Variants in HERC1 observed in about 807,000 individuals in gnomAD.
HERC1 encodes the protein probable E3 ubiquitin-protein ligase HERC1.
A neutral mutation model predicts 554.3 loss-of-function variants in HERC1; 160 were observed. The ratio of observed to expected loss-of-function variants is 0.29; its 90% CI spans 0.25 to 0.33. The LOEUF is 0.33. Among genes scored for constraint, HERC1 ranks in the 10% least tolerant of loss-of-function variants. The pLI is 1.00. For synonymous variants in HERC1, 2,175 were observed against 2,131.7 expected, an observed-to-expected ratio of 1.02 and a Z score of -0.56; for missense variants, 4,919 against 5,918.5, an observed-to-expected ratio of 0.83 and a Z score of 5.54.
intron 22 of HERC1, among the ~76,000 whole-genome samples, chr15:63,715,824 T>C (rs887446958): frequency 1.3e-5 from 2 of 152,236 alleles, no homozygotes; most frequent in Non-Finnish European, 2.9e-5. Context: ...AGCAGTCTCA[T>C]GTAAATTCTT....
At chr15:63,651,454 T>G in intron 52 of HERC1, 74 bp from the exon 53 acceptor site, 1 of 1,452,432 alleles carries the variant, frequency 6.9e-7, no homozygotes, top group Admixed American at 2.0e-5. Flanking sequence ...AACCTTAAAA[T>G]AAGGGTTTCA....
intron 34 of HERC1, 113 bp downstream of exon 34, chr15:63,686,246 G>T: frequency 1.4e-6 from 1 of 721,046 alleles, no homozygotes; most frequent in Non-Finnish European, 2.3e-6. Context: ...CATAATAATA[G>T]AACATTTACA....
intron 62 of HERC1, 40 bp downstream of exon 62, chr15:63,638,671 G>C (rs1447644841): frequency 1.3e-6 from 2 of 1,590,700 alleles, no homozygotes; most frequent in South Asian, 1.1e-5. Flanking sequence ...TCAAAACATT[G>C]ACTGAGAACC....
chr15:63,667,503 C>A (rs1178856859), intron 40 of HERC1, among the ~76,000 whole-genome samples: 1 of 151,934 alleles, frequency 6.6e-6, no homozygotes, highest in African/African-American at 2.4e-5. Flanking sequence ...ACATTAGACA[C>A]TGCAGAAGAA....
chr15:63,632,525 G>A (rs1052649699), intron 68 of HERC1, 184 bp downstream of exon 68: 1 of 676,018 alleles, frequency 1.5e-6, no homozygotes, highest in South Asian at 1.5e-5. Flanking sequence ...GGGGAGGGGA[G>A]TTTGTCTTTA....
At chr15:63,699,634 A>C (rs1251063299) in intron 25 of HERC1, among the ~76,000 whole-genome samples, 1 of 152,224 alleles carries the variant, frequency 6.6e-6, no homozygotes, top group Non-Finnish European at 1.5e-5. Flanking sequence ...AGAGGAAGCA[A>C]AGTTTCACAG....
chr15:63,668,509 G>A (rs983446408), intron 40 of HERC1, among the ~76,000 whole-genome samples: 5 of 151,990 alleles, frequency 3.3e-5, no homozygotes, highest in Admixed American at 2.0e-4. Flanking sequence ...AACAAACAAA[G>A]CAAGACCTAA....
chr15:63,820,096 C>A lies in HERC1; in HGVS notation c.-27+13731G>T, dbSNP rs533307188. On this transcript the variant is annotated intron_variant, in intron 1 of 77. Coordinates refer to ENST00000443617, the MANE Select transcript of HERC1 (RefSeq NM_003922.4). The stretch of plus-strand genomic sequence containing the variant: ...ATACTTCAAAACTTCATGTAGCACA[C>A]AAGAAATACATACAATTTTATCTGC... 1.3e-5 allele frequency among the ~76,000 whole-genome samples: 2 copies of A among 152,234 alleles called. 1 individual carries two copies. The highest frequency in any genetic ancestry group is 4.1e-4 in the South Asian group (2 of 4,820).
At chr15:63,623,460 C>T (rs767887380) in intron 73 of HERC1, among the ~76,000 whole-genome samples, 4 of 152,208 alleles carry the variant, frequency 2.6e-5, no homozygotes, top group Admixed American at 6.5e-5. Context: ...CATTGTTATT[C>T]TGCCAATATT....
At position 63,672,438 on chromosome 15, in the gene HERC1, C is replaced by T. The variant is rs897197704; in HGVS notation, c.8045+58G>A. On this transcript the variant is annotated intron_variant, in intron 39 of 77. Transcript: ENST00000443617. ...GGGCATACTATTCATATGAGGACAACTGTGCCTTCAGAAACACAGGCATCA... is the reference window on the plus strand; with the variant it reads ...GGGCATACTATTCATATGAGGACAATTGTGCCTTCAGAAACACAGGCATCA... The T allele has an allele frequency of 1.7e-5, 21 of 1,258,842 alleles. 2 individuals carry two copies. The Admixed American group carries it at 2.8e-4, about 17-fold the overall frequency. The allele number at this position is 1,258,842 out of a possible 1,614,324, so 78.0% of individuals were successfully genotyped here. A position where few individuals can be genotyped will look rare whatever the true frequency, so the allele number is the denominator to read the frequency against.
intron 1 of HERC1, among the ~76,000 whole-genome samples, chr15:63,778,813 C>G (rs1433670161): frequency 1.3e-5 from 2 of 152,108 alleles, no homozygotes; most frequent in Non-Finnish European, 2.9e-5. Flanking sequence ...GGGAAATTCC[C>G]TGATGACGAC....
rs59109042 is a variant in HERC1 at position 63,736,612 on chromosome 15, C to CT, written c.2521-1764dup. On this transcript the variant is annotated intron_variant, in intron 12 of 77. Coordinates refer to ENST00000443617, the MANE Select transcript of HERC1 (RefSeq NM_003922.4). ...CATCAGTCTTTTAGCATCACACTCT[C>CT]TTTTTTTTTTTTTGAGACGGAGTCT... Among the ~76,000 whole-genome samples the CT allele has an allele frequency of 1.2e-3, 174 of 145,476 alleles. 4 individuals carry two copies. The East Asian group carries it at 0.024, about 20-fold the overall frequency.
chr15:63,676,971 T>C (rs986251988), intron 37 of HERC1, among the ~76,000 whole-genome samples: 1 of 152,188 alleles, frequency 6.6e-6, no homozygotes, highest in Non-Finnish European at 1.5e-5. Flanking sequence ...GTATCCCTTA[T>C]CCAAAATGCA....
intron 64 of HERC1, among the ~76,000 whole-genome samples, chr15:63,636,621 C>T (rs1276190098): frequency 2.0e-5 from 3 of 152,038 alleles, no homozygotes; most frequent in Non-Finnish European, 2.9e-5. Context: ...AGCAAAACTG[C>T]GAATAGTCAC....
At chr15:63,697,491 G>A (rs896975742) in intron 26 of HERC1, among the ~76,000 whole-genome samples, 2 of 108,198 alleles carry the variant, frequency 1.8e-5, no homozygotes, top group Non-Finnish European at 3.5e-5. Context: ...TTTCACTCTT[G>A]TTGCCCAGGC....
intron 34 of HERC1, among the ~76,000 whole-genome samples, chr15:63,684,060 G>C (rs146736627): frequency 0.011 from 1,731 of 152,306 alleles, 19 homozygotes; most frequent in Middle Eastern, 0.02. Flanking sequence ...AAAACATCTT[G>C]GATGCTGGCT....
chr15:63,766,570 C>T (rs2075785289), intron 2 of HERC1, among the ~76,000 whole-genome samples: 1 of 152,228 alleles, frequency 6.6e-6, no homozygotes, highest in Non-Finnish European at 1.5e-5. Context: ...CAGAATGAGA[C>T]TCCGTCTCAA....
Position 63,727,500 on chromosome 15 carries a change from A to T in HERC1, c.3346+147T>A. ...TCCAATAAAATAAGAGGACTTACTT[A>T]AATTTGAAAAGCTTTTAAGATTTCA... On this transcript the variant is annotated intron_variant, in intron 17 of 77. Transcript: ENST00000443617. The surrounding 1 kb of genome is among the most constrained non-coding windows in gnomAD (Gnocchi z 4.3). The T allele has an allele frequency of 1.7e-6, 1 of 577,174 alleles. No homozygotes were observed. The highest frequency in any genetic ancestry group is 3.0e-6 in the Non-Finnish European group (1 of 330,490). 35.8% of individuals were successfully genotyped at this position (577,174 alleles called of 1,614,324 possible). A position where few individuals can be genotyped will look rare whatever the true frequency, so the allele number is the denominator to read the frequency against.
intron 1 of HERC1, among the ~76,000 whole-genome samples, chr15:63,787,470 A>T (rs2076495095): frequency 6.6e-6 from 1 of 152,174 alleles, no homozygotes; most frequent in African/African-American, 2.4e-5. Context: ...AAATTATTTA[A>T]ATTAAAAAAA....
Sources: allele counts gnomAD v4.1 joint callset (sites outside exome capture counted in the v4.1 genomes callset), GRCh38; gene constraint gnomAD v4.1.1; non-coding constraint Gnocchi (gnomAD v3.1); transcripts MANE v1.5; gene names NCBI Gene and HGNC (gene_info 2026-07-23, HGNC 2026-07-21).